The following LRRC7 variants were observed in gnomAD, a reference collection of about 807,000 sequenced individuals.
LRRC7 encodes leucine-rich repeat-containing protein 7.
In LRRC7, 23 loss-of-function variants were observed where a neutral mutation model predicts 175.7. That is an observed-to-expected ratio of 0.13 (90% confidence interval 0.09 to 0.19). The LOEUF is 0.19. LRRC7 is among the 10% of genes least tolerant of loss of function. The pLI is 1.00. For missense variants in LRRC7, 1,354 were observed against 1,904.7 expected (o/e 0.71, Z 5.38); for synonymous variants, 685 against 680.9 (o/e 1.01, Z -0.09).
intron 7 of LRRC7, among the ~76,000 whole-genome samples, chr1:69,910,094 G>A (rs1389302728): frequency 2.6e-5 from 4 of 152,018 alleles, no homozygotes; most frequent in Non-Finnish European, 5.9e-5. Flanking sequence ...TCTTCACGTA[G>A]TTCTCGAGCC....
chr1:69,872,082 A>C (rs771904192), intron 7 of LRRC7, among the ~76,000 whole-genome samples: 4 of 151,982 alleles, frequency 2.6e-5, no homozygotes, highest in Non-Finnish European at 5.9e-5. Context: ...CTTTAGATGG[A>C]TCAAAAAGAA....
At chr1:69,829,092 A>G (rs1680251545) in intron 5 of LRRC7, among the ~76,000 whole-genome samples, 1 of 151,916 alleles carries the variant, frequency 6.6e-6, no homozygotes, top group Admixed American at 6.6e-5. Context: ...AATTTCTTTG[A>G]TTTGCTGATT....
At chr1:69,988,627 C>T (rs1306272879) in intron 10 of LRRC7, among the ~76,000 whole-genome samples, 1 of 152,072 alleles carries the variant, frequency 6.6e-6, no homozygotes, top group Admixed American at 6.6e-5. Flanking sequence ...TAGGGCGGGA[C>T]CTCTTTTCTG....
intron 5 of LRRC7, among the ~76,000 whole-genome samples, chr1:69,830,469 T>A (rs933447796): frequency 6.6e-6 from 1 of 151,866 alleles, no homozygotes; most frequent in Non-Finnish European, 1.5e-5. Flanking sequence ...TCAAATAACA[T>A]CGAATCCATT....
intron 7 of LRRC7, among the ~76,000 whole-genome samples, chr1:69,842,189 A>G (rs1681802990): frequency 1.3e-5 from 2 of 152,264 alleles, no homozygotes; most frequent in Non-Finnish European, 2.9e-5. Flanking sequence ...GATAAAAACA[A>G]TTTTTTAAAT....
intron 1 of LRRC7, among the ~76,000 whole-genome samples, chr1:69,577,417 C>A (rs2100901265): frequency 6.6e-6 from 1 of 152,260 alleles, no homozygotes; most frequent in Admixed American, 6.5e-5. Context: ...GCTTTTGTTG[C>A]CATTGCTTTT....
At chr1:69,915,304 G>A (rs986598597) in intron 7 of LRRC7, among the ~76,000 whole-genome samples, 6 of 152,186 alleles carry the variant, frequency 3.9e-5, no homozygotes, top group Admixed American at 2.0e-4. Context: ...GCAGGCAAAT[G>A]AGGATGATCT....
chr1:69,938,356 T>C (rs1648269413), intron 8 of LRRC7, among the ~76,000 whole-genome samples: 1 of 152,094 alleles, frequency 6.6e-6, no homozygotes, highest in Admixed American at 6.6e-5. Flanking sequence ...CAAATCACCA[T>C]TTTAAATGCT....
At chr1:69,953,408 A>G (rs1372112978) in intron 8 of LRRC7, among the ~76,000 whole-genome samples, 1 of 151,940 alleles carries the variant, frequency 6.6e-6, no homozygotes, top group African/African-American at 2.4e-5. Context: ...CTCCTCTACA[A>G]AGAGATCTGT....
At chr1:69,971,727 C>T (rs138430162) in intron 8 of LRRC7, among the ~76,000 whole-genome samples, 143 of 152,232 alleles carry the variant, frequency 9.4e-4, no homozygotes, top group African/African-American at 3.2e-3. Context: ...ATGCAACTCC[C>T]ATCAAAATAC....
At chr1:70,078,975 A>T (rs1663016225) in intron 24 of LRRC7, among the ~76,000 whole-genome samples, 1 of 152,220 alleles carries the variant, frequency 6.6e-6, no homozygotes, top group African/African-American at 2.4e-5. Flanking sequence ...ATCTACAAAT[A>T]GAAAAACAAA....
At chr1:70,012,399 A>C (rs917714255) in intron 12 of LRRC7, among the ~76,000 whole-genome samples, 22 of 151,882 alleles carry the variant, frequency 1.4e-4, no homozygotes, top group Non-Finnish European at 2.9e-5. Context: ...ATATCAAAAA[A>C]GTATAAAGTA....
At chr1:69,787,093 G>C (rs1020140446) in intron 3 of LRRC7, among the ~76,000 whole-genome samples, 3 of 152,122 alleles carry the variant, frequency 2.0e-5, no homozygotes, top group Admixed American at 2.0e-4. Context: ...AAAACAAAGG[G>C]GCCACAGGCC....
chr1:70,092,879 A>T (rs1664131616), intron 25 of LRRC7, among the ~76,000 whole-genome samples: 1 of 152,172 alleles, frequency 6.6e-6, no homozygotes, highest in Admixed American at 6.6e-5. Flanking sequence ...ACAGCATCTC[A>T]TCTAGCAAAC....
intron 23 of LRRC7, among the ~76,000 whole-genome samples, chr1:70,058,810 A>G (rs1367471197): frequency 6.6e-6 from 1 of 152,218 alleles, no homozygotes; most frequent in African/African-American, 2.4e-5. Context: ...GATAAATGCA[A>G]AAACATGTTA....
At chr1:69,776,554 A>G (rs1672831236) in intron 3 of LRRC7, among the ~76,000 whole-genome samples, 1 of 152,214 alleles carries the variant, frequency 6.6e-6, no homozygotes, top group South Asian at 2.1e-4. Context: ...TGTTTCTATA[A>G]CGAACCTGAA....
chr1:69,589,979 G>A (rs1355294796), intron 1 of LRRC7, among the ~76,000 whole-genome samples: 1 of 152,152 alleles, frequency 6.6e-6, no homozygotes, highest in African/African-American at 2.4e-5. Context: ...TGAAATTCAA[G>A]CCTGAGCAAT....
At chr1:69,569,565 C>T (rs917648722) in intron 1 of LRRC7, among the ~76,000 whole-genome samples, 2 of 149,086 alleles carry the variant, frequency 1.3e-5, no homozygotes, top group African/African-American at 2.5e-5. Flanking sequence ...TCTAATCTTA[C>T]TGTTTGCAGA....
At chr1:70,085,531 A>G (rs549049726) in intron 24 of LRRC7, among the ~76,000 whole-genome samples, 1 of 152,192 alleles carries the variant, frequency 6.6e-6, no homozygotes, top group African/African-American at 2.4e-5. Context: ...TAGGGCATTT[A>G]TAATTGCTGT....
Sources: gnomAD v4.1 joint callset for allele counts (sites outside exome capture counted in the v4.1 genomes callset) on GRCh38, gnomAD v4.1.1 for gene constraint, MANE v1.5 for transcripts, NCBI Gene and HGNC (gene_info 2026-07-23, HGNC 2026-07-21) for gene names.